Variants in SLC4A1 observed in about 807,000 individuals in gnomAD.
The protein encoded by SLC4A1 is solute carrier family 4 member 1 (Diego blood group), also known as band 3 anion transport protein.
SLC4A1 carries 29 observed loss-of-function variants against 93.1 expected under a neutral mutation model. That is an observed-to-expected ratio of 0.31 (90% CI 0.23 to 0.42). The LOEUF (loss-of-function observed/expected upper bound fraction) is 0.42, where lower values mean the gene tolerates loss of function less well. Ranked by LOEUF, SLC4A1 falls within the 20% of genes least tolerant of loss-of-function variation. The pLI is 1.00. For synonymous variants in SLC4A1, 469 were observed against 497.2 expected, an observed-to-expected ratio of 0.94 and a Z score of 0.76; for missense variants, 965 against 1,190.1, an observed-to-expected ratio of 0.81 and a Z score of 2.78.
chr17:44,250,445 C>A lies in SLC4A1; in HGVS notation c.*13G>T. The A allele has an allele frequency of 6.2e-7, 1 of 1,605,034 alleles. No individual in the cohort carries two copies. The highest frequency in any genetic ancestry group is 8.5e-7 in the Non-Finnish European group (1 of 1,172,050). ...GGAATGGTGGGGGAGGGTCTAGGGC[C>A]TGGGCCCGCCCCTCACACAGGCATG... On this transcript the variant is annotated 3_prime_UTR_variant, in exon 20 of 20. Transcript: ENST00000262418.
Position 44,252,987 on chromosome 17 carries a change from G to A in SLC4A1, c.2311+131C>T, listed in dbSNP as rs1181963235. ...CCCTCGTGTGAGTAGGGGATGCTGG[G>A]GAGATGTGGGGAAGTGGTGCAGGAT... On this transcript the variant is annotated intron_variant, in intron 17 of 19. Coordinates refer to ENST00000262418, the MANE Select transcript of SLC4A1 (RefSeq NM_000342.4). 6 of 975,554 alleles carry A rather than the reference G, an allele frequency of 6.2e-6. No individual in the cohort carries two copies. The East Asian group carries it at 1.3e-4, about 21-fold the overall frequency. 60.4% of individuals were successfully genotyped at this position (975,554 alleles called of 1,614,324 possible).
chr17:44,257,469 A>G lies in SLC4A1; in HGVS notation c.1507T>C (p.Leu503=), dbSNP rs759996988. 9.9e-5 allele frequency: 160 copies of G among 1,613,892 alleles called. No individual in the cohort carries two copies. Among genetic ancestry groups the G allele is most frequent in the Non-Finnish European group, 1.3e-4 (153 of 1,180,006 alleles). Residue 503 remains leucine, a synonymous_variant, in exon 13 of 20, where the codon TTG becomes CTG. Coordinates refer to ENST00000262418, the MANE Select transcript of SLC4A1 (RefSeq NM_000342.4). ...IGFWLILLVV[L]VVAFEGSFLV... ...AAGCTACCCTCGAAGGCCACCACCA[A>G]CACCACCAGCAGGATGAGCCAGAAG...
chr17:44,255,936 C>T, intron 13 of SLC4A1, 90 bp from the exon 14 acceptor site: 2 of 1,159,098 alleles, frequency 1.7e-6, no homozygotes, highest in Non-Finnish European at 2.6e-6. Flanking sequence ...GCACTACTAT[C>T]CATTCATCCA....
chr17:44,252,511 C>T (rs932276254), intron 17 of SLC4A1, among the ~76,000 whole-genome samples: 1 of 152,162 alleles, frequency 6.6e-6, no homozygotes, highest in South Asian at 2.1e-4. Context: ...CACCTTTCTC[C>T]TCACCCCAGC....
chr17:44,257,060 C>T (rs758063529), intron 13 of SLC4A1, among the ~76,000 whole-genome samples: 1 of 151,208 alleles, frequency 6.6e-6, no homozygotes, highest in African/African-American at 2.4e-5. Context: ...GGCACAATCT[C>T]GGCTCACTGC....
chr17:44,254,701 G>A (rs2047373221), intron 15 of SLC4A1, 39 bp from the exon 16 acceptor site: 2 of 1,604,556 alleles, frequency 1.2e-6, no homozygotes, highest in African/African-American at 1.3e-5. Flanking sequence ...CCAAGGGCAG[G>A]AGGATGGGGA....
intron 17 of SLC4A1, 137 bp from the exon 18 acceptor site, chr17:44,251,725 T>TC (rs1426145359): frequency 1.5e-6 from 1 of 646,986 alleles, no homozygotes; most frequent in Non-Finnish European, 2.5e-6. Flanking sequence ...CTTTTCTTTT[T>TC]TTTTTTTTTT....
intron 13 of SLC4A1, 77 bp downstream of exon 13, chr17:44,257,273 T>G (rs1017762272): frequency 2.8e-6 from 4 of 1,439,754 alleles, no homozygotes; most frequent in South Asian, 2.3e-5. Context: ...ATTACAGGCC[T>G]GAGCCCTCGC....
chr17:44,262,939 AGCAGAGG>A lies in SLC4A1; in HGVS notation c.-68-12_-68-6del. On this transcript the variant is annotated splice_polypyrimidine_tract_variant and splice_region_variant and intron_variant, in intron 1 of 19. Transcript: ENST00000262418. ...CATAACCCGCACCGCGGGTCCCTGC[AGCAGAGG>A]GCACAGGCTGAGTGGGGCACAGGGC... 1 of 1,611,602 alleles carries A rather than the reference AGCAGAGG, an allele frequency of 6.2e-7. No individual in the cohort carries two copies. The highest frequency in any genetic ancestry group is 8.5e-7 in the Non-Finnish European group (1 of 1,179,892).
In SLC4A1 at chr17:44,260,739, A is replaced by T; in HGVS notation, c.245T>A (p.Val82Glu). The T allele has an allele frequency of 6.2e-7, 1 of 1,614,042 alleles. No homozygotes were observed. The highest frequency in any genetic ancestry group is 1.1e-5 in the South Asian group (1 of 91,086). The change falls in exon 5 of 20, where the codon GTG (valine) becomes GAG (glutamate). Residue 82 changes from valine (V) to glutamate (E), a missense_variant. Val to Glu is a moderately radical substitution (Grantham distance 121). Around this residue, in one of 2 missense-constraint regions of SLC4A1, gnomAD observed 195 missense variants for 183.5 expected, o/e 1.06. Coordinates refer to ENST00000262418, the MANE Select transcript of SLC4A1 (RefSeq NM_000342.4). ...ELRWMEAARWVQLEENLGENG... is the reference protein window; with the variant it reads ...ELRWMEAARWEQLEENLGENG... ...CTCCCCCAGGTTCTCCTCCAGTTGC[A>T]CCCAGCGCGCCGCCTCCATCCATCT...
chr17:44,265,404 C>G (rs986243790), intron 1 of SLC4A1, among the ~76,000 whole-genome samples: 3 of 152,070 alleles, frequency 2.0e-5, no homozygotes, highest in African/African-American at 2.4e-5. Flanking sequence ...CAGTCTTGCT[C>G]TCTCTCCCAG....
At chr17:44,252,871 TG>T (rs1598296436) in intron 17 of SLC4A1, among the ~76,000 whole-genome samples, 2 of 151,990 alleles carry the variant, frequency 1.3e-5, no homozygotes, top group African/African-American at 4.8e-5. Flanking sequence ...AGTCAGAAGG[TG>T]GGGTCTGGTC....
intron 6 of SLC4A1, 30 bp downstream of exon 6, chr17:44,260,374 T>C: frequency 6.2e-7 from 1 of 1,602,748 alleles, no homozygotes; most frequent in South Asian, 1.1e-5. Context: ...CCACTGGATA[T>C]GGAATCCAGG....
intron 17 of SLC4A1, 112 bp downstream of exon 17, chr17:44,253,006 G>T: frequency 8.8e-7 from 1 of 1,137,224 alleles, no homozygotes; most frequent in Non-Finnish European, 1.3e-6. Context: ...GGGAAGTGGT[G>T]CAGGATGGGG....
intron 3 of SLC4A1, 67 bp from the exon 4 acceptor site, chr17:44,261,703 G>A: frequency 6.2e-7 from 1 of 1,613,240 alleles, no homozygotes; most frequent in South Asian, 1.1e-5. Flanking sequence ...ACCATCCACT[G>A]TGAGCCTCAG....
At chr17:44,261,909 A>G in intron 3 of SLC4A1, 1 of 1,052,348 alleles carries the variant, frequency 9.5e-7, no homozygotes, top group East Asian at 3.4e-5. Flanking sequence ...CGCAGTGATG[A>G]AGTGAAGGGA....
chr17:44,250,162 A>C lies in SLC4A1; in HGVS notation c.*296T>G. Reference sequence around the variant, plus strand: ...ACCCCTGCCTGTGCTGGGAAGAGGGAGGGCTCAGATCTAAGTCTTCCAGCA... The same window carrying C: ...ACCCCTGCCTGTGCTGGGAAGAGGGCGGGCTCAGATCTAAGTCTTCCAGCA... On this transcript the variant is annotated 3_prime_UTR_variant, in exon 20 of 20. Coordinates refer to ENST00000262418, the MANE Select transcript of SLC4A1 (RefSeq NM_000342.4). 2.4e-6 allele frequency: 1 copy of C among 419,536 alleles called. No homozygotes were observed. The highest frequency in any genetic ancestry group is 4.5e-6 in the Non-Finnish European group (1 of 223,172). The allele number at this position is 419,536 out of a possible 1,614,324, so 26.0% of individuals were successfully genotyped here.
In SLC4A1 at chr17:44,251,239, G is replaced by A. The variant is rs2047336356; in HGVS notation, c.2575C>T (p.Leu859=). 6.2e-7 allele frequency: 1 copy of A among 1,614,198 alleles called. No homozygotes were observed. The highest frequency in any genetic ancestry group is 1.7e-5 in the Admixed American group (1 of 60,016). The change falls in exon 19 of 20, where the codon CTG becomes TTG. Residue 859 remains leucine, a synonymous_variant. Coordinates refer to ENST00000262418, the MANE Select transcript of SLC4A1 (RefSeq NM_000342.4). The part of the protein sequence containing the change: ...VVKSTPASLA[L]PFVLILTVPL... ...ACAGTGAGGATGAGGACGAAGGGCAGGGCCAGGGAGGCCGGCGTGGACTTC... is the reference window on the plus strand; with the variant it reads ...ACAGTGAGGATGAGGACGAAGGGCAAGGCCAGGGAGGCCGGCGTGGACTTC...
chr17:44,250,942 C>T (rs1170707963), intron 19 of SLC4A1, among the ~76,000 whole-genome samples: 13 of 152,192 alleles, frequency 8.5e-5, no homozygotes, highest in Non-Finnish European at 1.5e-5. Flanking sequence ...TCTCCCCAGT[C>T]GTGCCATCAT....
Sources: gnomAD v4.1 joint callset for allele counts (sites outside exome capture counted in the v4.1 genomes callset) on GRCh38, gnomAD v4.1.1 for gene constraint, gnomAD v4.1.1 regional missense constraint, MANE v1.5 for transcripts, NCBI Gene and HGNC (gene_info 2026-07-23, HGNC 2026-07-21) for gene names.